N4BP2L1: variants seen among roughly 807,000 people sequenced by gnomAD.
The protein encoded by N4BP2L1 is NEDD4 binding protein 2 like 1.
N4BP2L1 carries 12 observed loss-of-function variants against 21.2 expected under a neutral mutation model. The ratio of observed to expected loss-of-function variants is 0.57; its 90% CI spans 0.36 to 0.92. The LOEUF is 0.92. N4BP2L1 is among the 40% of genes least tolerant of loss of function. N4BP2L1 has a pLI of 0.01. For missense variants in N4BP2L1, 259 were observed against 310.6 expected, an observed-to-expected ratio of 0.83 and a Z score of 1.25; for synonymous variants, 104 against 112.8, an observed-to-expected ratio of 0.92 and a Z score of 0.49.
chr13:32,405,296 G>T (rs967136036), intron 3 of N4BP2L1, among the ~76,000 whole-genome samples: 4 of 152,126 alleles, frequency 2.6e-5, no homozygotes, highest in African/African-American at 7.2e-5. Flanking sequence ...AATCACTTCA[G>T]CTCAGGAGTT....
chr13:32,408,199 T>C (rs1020290634), intron 1 of N4BP2L1, among the ~76,000 whole-genome samples: 3 of 152,160 alleles, frequency 2.0e-5, no homozygotes, highest in African/African-American at 7.2e-5. Context: ...GCTGCAGCCC[T>C]TCCCTCGGCC....
Position 32,402,977 on chromosome 13 carries a change from A to G in N4BP2L1, c.697T>C (p.Tyr233His), listed in dbSNP as rs1414500601. The G allele has an allele frequency of 1.2e-6, 2 of 1,613,356 alleles. No individual in the cohort carries two copies. Among genetic ancestry groups the G allele is most frequent in the Non-Finnish European group, 1.7e-6 (2 of 1,179,476 alleles). ...TGGTGACAACCGCCCCTTCTGTGAT[A>G]GGAGCTCTCATTTGTAAATCCACCG... ...AHGGFTNESS[Y>H]HRRGGCHHGY The change falls in exon 5 of 5, where the codon TAT (tyrosine) becomes CAT (histidine). Residue 233 changes from tyrosine to histidine, a missense_variant. By Grantham distance (83) the Tyr-to-His change is moderately conservative. Around this residue, in one of 3 missense-constraint regions of N4BP2L1, gnomAD observed 108 missense variants for 107.8 expected, o/e 1.00. Coordinates refer to ENST00000380130, the MANE Select transcript of N4BP2L1 (RefSeq NM_052818.3).
At chr13:32,427,027 T>C (rs1473746972) in intron 1 of N4BP2L1, among the ~76,000 whole-genome samples, 1 of 152,166 alleles carries the variant, frequency 6.6e-6, no homozygotes, top group Non-Finnish European at 1.5e-5. Flanking sequence ...AGTTCGAAGT[T>C]GCTGGAACAT....
At chr13:32,406,411 T>C (rs2073511960) in intron 3 of N4BP2L1, 1 of 152,252 alleles carries the variant, frequency 6.6e-6, no homozygotes, top group South Asian at 2.1e-4. Flanking sequence ...TATTTATATT[T>C]GCATTCTACC....
chr13:32,406,915 A>G, intron 3 of N4BP2L1: 2 of 316,450 alleles, frequency 6.3e-6, no homozygotes, highest in South Asian at 6.4e-5. Context: ...CTAATTCAGT[A>G]TTAGTATTGA....
chr13:32,416,826 AC>A (rs2137890496), intron 1 of N4BP2L1: 1 of 147,584 alleles, frequency 6.8e-6, no homozygotes, highest in Non-Finnish European at 1.5e-5. Flanking sequence ...TCCCCGCCCC[AC>A]CCCCCTCCAG....
At chr13:32,412,835 G>A (rs1040100953) in intron 1 of N4BP2L1, among the ~76,000 whole-genome samples, 3 of 152,104 alleles carry the variant, frequency 2.0e-5, no homozygotes, top group Non-Finnish European at 4.4e-5. Flanking sequence ...ACTCCGCAGG[G>A]CCTGTCATCC....
rs550113420 is a variant in N4BP2L1 at position 32,414,987 on chromosome 13, A to C, written c.180-7215T>G. Among the ~76,000 whole-genome samples, 16 of 152,332 alleles carry C rather than the reference A, an allele frequency of 1.1e-4. No homozygotes were observed. The South Asian group carries it at 3.3e-3, about 32-fold the overall frequency. ...TTTCCCCACAGGCATTAATATTTTAAATTTAGGTTTCAGTTCAAAGTGGGT... is the reference window on the plus strand; with the variant it reads ...TTTCCCCACAGGCATTAATATTTTACATTTAGGTTTCAGTTCAAAGTGGGT... On this transcript the variant is annotated intron_variant, in intron 1 of 4. Transcript: ENST00000380130.
At chr13:32,424,200 TTAC>T (rs2074639541) in intron 1 of N4BP2L1, among the ~76,000 whole-genome samples, 2 of 152,198 alleles carry the variant, frequency 1.3e-5, no homozygotes, top group African/African-American at 4.8e-5. Flanking sequence ...ACCAATACAC[TTAC>T]TACAATGAAG....
In N4BP2L1 at chr13:32,402,520, C is replaced by CTG. The variant is rs1555291416; in HGVS notation, c.*421_*422insCA. On this transcript the variant is annotated 3_prime_UTR_variant, in exon 5 of 5. Coordinates refer to ENST00000380130, the MANE Select transcript of N4BP2L1 (RefSeq NM_052818.3). ...AATGGCACTTTGATAAGTAGCAATG[C>CTG]CCCCCCACCACTTCTCTCCACCTTC... is the stretch of plus-strand genomic sequence containing the variant. The CTG allele has an allele frequency of 2.1e-5, 6 of 286,146 alleles. No homozygotes were observed. Among genetic ancestry groups the CTG allele is most frequent in the Non-Finnish European group, 2.6e-5 (6 of 234,474 alleles). The allele number at this position is 286,146 out of a possible 1,614,324, so 17.7% of individuals were successfully genotyped here.
Position 32,401,031 on chromosome 13 carries a change from T to A in N4BP2L1, c.*1911A>T, listed in dbSNP as rs576954299. On this transcript the variant is annotated 3_prime_UTR_variant, in exon 5 of 5. Transcript: ENST00000380130. Reference sequence around the variant, plus strand: ...ATTCTTTAGAGCTCTAGAAAAGTTATGTAACCCAGAGCCACTTCTCCATAG... The same window carrying A: ...ATTCTTTAGAGCTCTAGAAAAGTTAAGTAACCCAGAGCCACTTCTCCATAG... 1 of 152,208 alleles carries A rather than the reference T, an allele frequency of 6.6e-6. No homozygotes were observed. The highest frequency in any genetic ancestry group is 1.5e-5 in the Non-Finnish European group (1 of 68,036). 9.4% of individuals were successfully genotyped at this position (152,208 alleles called of 1,614,324 possible). A position where few individuals can be genotyped will look rare whatever the true frequency, so the allele number is the denominator to read the frequency against.
chr13:32,425,889 T>C (rs1301438757), intron 1 of N4BP2L1: 1 of 152,104 alleles, frequency 6.6e-6, no homozygotes, highest in Non-Finnish European at 1.5e-5. Flanking sequence ...CGCCAGCTAG[T>C]AAGTGACGAA....
At chr13:32,403,561 C>A (rs2073282705) in intron 4 of N4BP2L1, 2 of 431,178 alleles carry the variant, frequency 4.6e-6, no homozygotes, top group Non-Finnish European at 9.2e-6. Context: ...GTTAATCAGT[C>A]CCTGAGATAT....
chr13:32,409,531 GCCAAATGC>G (rs2073726420), intron 1 of N4BP2L1, among the ~76,000 whole-genome samples: 1 of 152,190 alleles, frequency 6.6e-6, no homozygotes, highest in Non-Finnish European at 1.5e-5. Context: ...CTTAACATGT[GCCAAATGC>G]CAGGTGAAGC....
rs2073122521 is a variant in N4BP2L1 at position 32,401,411 on chromosome 13, A to G, written c.*1531T>C. ...ATTGGGATTTACTATTGTCAGCCAA[A>G]CTTACTCAAAGGAGATACCAGTTTT... On this transcript the variant is annotated 3_prime_UTR_variant, in exon 5 of 5. Coordinates refer to ENST00000380130, the MANE Select transcript of N4BP2L1 (RefSeq NM_052818.3). The G allele has an allele frequency of 6.6e-6, 1 of 152,228 alleles. No homozygotes were observed. Among genetic ancestry groups the G allele is most frequent in the African/African-American group, 2.4e-5 (1 of 41,458 alleles). 9.4% of individuals were successfully genotyped at this position (152,228 alleles called of 1,614,324 possible). A position where few individuals can be genotyped will look rare whatever the true frequency, so the allele number is the denominator to read the frequency against.
intron 1 of N4BP2L1, chr13:32,425,149 T>G (rs1055824791): frequency 6.6e-6 from 1 of 152,232 alleles, no homozygotes; most frequent in African/African-American, 2.4e-5. Context: ...ACAGTTTTAC[T>G]ATTTTCTATA....
intron 1 of N4BP2L1, among the ~76,000 whole-genome samples, chr13:32,410,595 G>T (rs941875574): frequency 6.6e-6 from 1 of 152,142 alleles, no homozygotes; most frequent in South Asian, 2.1e-4. Context: ...TACGCACATC[G>T]AAAGTCCAAA....
Position 32,416,862 on chromosome 13 carries a change from G to C in N4BP2L1, c.180-9090C>G, listed in dbSNP as rs1421772433. Among the ~76,000 whole-genome samples the C allele has an allele frequency of 3.3e-5, 5 of 152,024 alleles. No individual in the cohort carries two copies. The East Asian group carries it at 9.6e-4, about 29-fold the overall frequency. ...GACGGAGTCTTGCTCTGTCGCCCAG[G>C]CTGAAGTGCAATGGCATGATCTCGG... On this transcript the variant is annotated intron_variant, in intron 1 of 4. Coordinates refer to ENST00000380130, the MANE Select transcript of N4BP2L1 (RefSeq NM_052818.3).
chr13:32,427,329 C>T (rs1228084612), intron 1 of N4BP2L1, among the ~76,000 whole-genome samples: 1 of 152,238 alleles, frequency 6.6e-6, no homozygotes, highest in East Asian at 1.9e-4. Flanking sequence ...CAGCCCCGGG[C>T]CACTGCCACG....
Sources: allele counts gnomAD v4.1 joint callset (sites outside exome capture counted in the v4.1 genomes callset), GRCh38; gene constraint gnomAD v4.1.1; regional missense constraint gnomAD v4.1.1; transcripts MANE v1.5; gene names NCBI Gene and HGNC (gene_info 2026-07-23, HGNC 2026-07-21).